WASF3: variants seen among roughly 807,000 people sequenced by gnomAD.
WASF3 encodes the protein actin-binding protein WASF3.
A neutral mutation model predicts 46.6 loss-of-function variants in WASF3; 11 were observed. The observed-to-expected ratio is 0.24, with a 90% CI of 0.15 to 0.39. The LOEUF is 0.39. WASF3 is among the 10% of genes least tolerant of loss of function. WASF3 has a pLI of 1.00. For synonymous variants in WASF3, 242 were observed against 259.7 expected (o/e 0.93, Z 0.65); for missense variants, 576 against 669.8 (o/e 0.86, Z 1.55).
In WASF3 at chr13:26,679,888, C is replaced by A; in HGVS notation, c.717-1166C>A. 2.4e-6 allele frequency: 2 copies of A among 841,752 alleles called. No homozygotes were observed. The highest frequency in any genetic ancestry group is 3.6e-6 in the Non-Finnish European group (2 of 559,008). 52.1% of individuals were successfully genotyped at this position (841,752 alleles called of 1,614,324 possible). On this transcript the variant is annotated intron_variant, in intron 7 of 9. Transcript: ENST00000335327. The surrounding 1 kb of genome is among the most constrained non-coding windows in gnomAD (Gnocchi z 4.8). ...TTAAGGAAGGAAAAAGGAAAAGAAG[C>A]TGTCTCTTCTCATTTGGAAGGCTTT...
chr13:26,672,559 A>G (rs9512324), intron 6 of WASF3, among the ~76,000 whole-genome samples: 28,609 of 152,008 alleles, frequency 0.19, 2,927 homozygotes, highest in South Asian at 0.27. Context: ...GGAGAAGCCC[A>G]CTCTACTCAG....
At chr13:26,611,204 A>C (rs1462891408) in intron 1 of WASF3, among the ~76,000 whole-genome samples, 1 of 150,796 alleles carries the variant, frequency 6.6e-6, no homozygotes, top group East Asian at 2.0e-4. Flanking sequence ...ACTCATCCTG[A>C]CTCTTCTTTT....
chr13:26,644,537 G>A (rs1566061196), intron 3 of WASF3, among the ~76,000 whole-genome samples: 1 of 152,154 alleles, frequency 6.6e-6, no homozygotes, highest in Admixed American at 6.5e-5. Flanking sequence ...AAAACAGGAT[G>A]CTAGGAATCA....
intron 3 of WASF3, among the ~76,000 whole-genome samples, chr13:26,651,630 G>A (rs1351207480): frequency 1.3e-5 from 2 of 152,148 alleles, no homozygotes; most frequent in African/African-American, 4.8e-5. Flanking sequence ...AATTCTTAAC[G>A]CTTCAGGGAA....
Position 26,682,808 on chromosome 13 carries a change from G to T in WASF3, c.1185G>T (p.Pro395=). 1 of 1,609,516 alleles carries T rather than the reference G, an allele frequency of 6.2e-7. No individual in the cohort carries two copies. Among genetic ancestry groups the T allele is most frequent in the African/African-American group, 1.3e-5 (1 of 74,772 alleles). The change falls in exon 9 of 10, where the codon CCG becomes CCT. Residue 395 remains proline, a synonymous_variant. Transcript: ENST00000335327. This position sits in a 1 kb window ranked among gnomAD's most constrained non-coding sequence, Gnocchi z 4.4. ...CCACCGGGCTCCTGGTCACAGCCCC[G>T]CCACCCCCGGGCCCACCACCTCCCC... ...PPSTGLLVTA[P]PPPGPPPPPP...
intron 1 of WASF3, among the ~76,000 whole-genome samples, chr13:26,600,638 T>C (rs148371076): frequency 1.3e-5 from 2 of 152,230 alleles, no homozygotes; most frequent in Admixed American, 1.3e-4. Flanking sequence ...ACAATGCTCA[T>C]GGGAGCTGGG....
At chr13:26,633,972 T>C (rs375946198) in intron 2 of WASF3, among the ~76,000 whole-genome samples, 2 of 152,304 alleles carry the variant, frequency 1.3e-5, no homozygotes, top group Non-Finnish European at 2.9e-5. Context: ...TTCTGTTGAT[T>C]TGGGGTGGAG....
chr13:26,618,014 C>T (rs889877849), intron 2 of WASF3, among the ~76,000 whole-genome samples: 2 of 152,170 alleles, frequency 1.3e-5, no homozygotes, highest in Admixed American at 6.6e-5. Context: ...CCACGTGAAA[C>T]TGTGATTCAA....
chr13:26,560,068 C>T (rs1879249025), intron 1 of WASF3, among the ~76,000 whole-genome samples: 1 of 152,006 alleles, frequency 6.6e-6, no homozygotes, highest in Admixed American at 6.6e-5. Flanking sequence ...ATCCGCCCAC[C>T]TCGGCCTCCC....
At chr13:26,654,765 G>A (rs1210115253) in intron 3 of WASF3, among the ~76,000 whole-genome samples, 1 of 152,042 alleles carries the variant, frequency 6.6e-6, no homozygotes, top group East Asian at 1.9e-4. Context: ...TAATCAGGAC[G>A]GTAGCAGTAG....
At chr13:26,546,166 G>A in the WASF3 span, among the ~76,000 whole-genome samples, 1 of 152,098 alleles carries the variant, frequency 6.6e-6, no homozygotes, top group African/African-American at 2.4e-5. Flanking sequence ...ACAAATATGC[G>A]ATTTGGGTCA....
intron 1 of WASF3, among the ~76,000 whole-genome samples, chr13:26,580,372 C>T (rs556901126): frequency 2.0e-5 from 3 of 152,140 alleles, no homozygotes; most frequent in Non-Finnish European, 4.4e-5. Context: ...TTCTGCTTCT[C>T]TCAAGATGTT....
chr13:26,662,829 A>T (rs1442721800), intron 3 of WASF3, among the ~76,000 whole-genome samples: 1 of 152,122 alleles, frequency 6.6e-6, no homozygotes, highest in African/African-American at 2.4e-5. Flanking sequence ...AAAACCGGGG[A>T]AAAAAGAAAT....
intron 5 of WASF3, 113 bp downstream of exon 5, chr13:26,667,783 A>T (rs1300716850): frequency 9.6e-7 from 1 of 1,044,674 alleles, no homozygotes; most frequent in Admixed American, 2.9e-5. Flanking sequence ...ATCTGGGTTA[A>T]AATCAGAATT....
At chr13:26,565,772 A>C (rs1246849137) in intron 1 of WASF3, among the ~76,000 whole-genome samples, 1 of 152,222 alleles carries the variant, frequency 6.6e-6, no homozygotes, top group Non-Finnish European at 1.5e-5. Flanking sequence ...AAAAGTTGGC[A>C]TTGCAATTTA....
chr13:26,636,537 A>G (rs139840531), intron 2 of WASF3, among the ~76,000 whole-genome samples: 9,432 of 152,318 alleles, frequency 0.062, 786 homozygotes, highest in African/African-American at 0.19. Flanking sequence ...ACCAGTCCCA[A>G]TGAGAGGAAC....
the WASF3 span, among the ~76,000 whole-genome samples, chr13:26,548,935 A>G: frequency 1.3e-5 from 2 of 151,380 alleles, no homozygotes; most frequent in East Asian, 1.9e-4. Flanking sequence ...TTAATTTACC[A>G]TCTACTTCTC....
At chr13:26,565,119 G>C (rs996923341) in intron 1 of WASF3, among the ~76,000 whole-genome samples, 3 of 150,004 alleles carry the variant, frequency 2.0e-5, no homozygotes, top group African/African-American at 7.4e-5. Flanking sequence ...GGTGGTGGCT[G>C]CAGTGAGGTG....
chr13:26,582,726 G>C (rs1454970244), intron 1 of WASF3, among the ~76,000 whole-genome samples: 2 of 119,052 alleles, frequency 1.7e-5, no homozygotes, highest in Non-Finnish European at 3.4e-5. Context: ...TGTACTTAAA[G>C]AGTATACTTA....
Sources: gnomAD v4.1 joint callset for allele counts (sites outside exome capture counted in the v4.1 genomes callset) on GRCh38, gnomAD v4.1.1 for gene constraint, Gnocchi (gnomAD v3.1) non-coding constraint, MANE v1.5 for transcripts, NCBI Gene and HGNC (gene_info 2026-07-23, HGNC 2026-07-21) for gene names.